MESP1: variants seen among roughly 807,000 people sequenced by gnomAD.
The protein encoded by MESP1 is mesoderm posterior protein 1.
Under a neutral mutation model 15.2 loss-of-function variants are expected in MESP1, and 22 were observed. That is an observed-to-expected ratio of 1.45 (90% confidence interval 1.04 to 2.07). The LOEUF is 2.07. MESP1 is among the 30% of genes most tolerant of loss of function. The pLI, the probability that MESP1 is intolerant of heterozygous loss-of-function variation, is 0.00. For synonymous variants in MESP1, 216 were observed against 192.6 expected (o/e 1.12, Z -1.01); for missense variants, 484 against 411.9 (o/e 1.17, Z -1.51).
At chr15:89,733,944 CTCTT>C in the MESP1 span, among the ~76,000 whole-genome samples, 1 of 152,324 alleles carries the variant, frequency 6.6e-6, no homozygotes, top group Non-Finnish European at 1.5e-5. Flanking sequence ...GGATCTCTCT[CTCTT>C]TTAAACATTT....
chr15:89,747,139 CACACACA>C (rs1567139520), downstream of MESP1, among the ~76,000 whole-genome samples: 10 of 139,930 alleles, frequency 7.1e-5, no homozygotes, highest in East Asian at 2.0e-4. Flanking sequence ...CACACACACA[CACACACA>C]CCCCTACCTT....
chr15:89,739,253 ATTTG>A, the MESP1 span, among the ~76,000 whole-genome samples: 1 of 152,092 alleles, frequency 6.6e-6, no homozygotes, highest in African/African-American at 2.4e-5. Context: ...AGCCGTGCCC[ATTTG>A]TTTATGTATT....
the MESP1 span, among the ~76,000 whole-genome samples, chr15:89,742,403 A>G: frequency 0.017 from 2,585 of 150,302 alleles, 87 homozygotes; most frequent in African/African-American, 0.06. Flanking sequence ...CCCTACCACA[A>G]CCCCACTGAC....
chr15:89,732,973 T>C, the MESP1 span: 334 of 1,609,342 alleles, frequency 2.1e-4, no homozygotes, highest in Non-Finnish European at 2.8e-4. Context: ...CCTACCCCGT[T>C]TTCTGACCGG....
downstream of MESP1, among the ~76,000 whole-genome samples, chr15:89,747,410 C>G (rs1203986223): frequency 2.6e-5 from 4 of 152,236 alleles, no homozygotes; most frequent in African/African-American, 9.6e-5. Flanking sequence ...GGCCTTCTCA[C>G]TAGGTGGCCC....
At chr15:89,734,159 C>T in the MESP1 span, among the ~76,000 whole-genome samples, 1 of 152,218 alleles carries the variant, frequency 6.6e-6, no homozygotes. Context: ...CCGCCCCAAA[C>T]ACCTTATTAA....
Position 89,750,198 on chromosome 15 carries a change from C to T in MESP1, c.753G>A (p.Leu251=), listed in dbSNP as rs373208803. The T allele has an allele frequency of 5.6e-6, 9 of 1,613,962 alleles. No individual in the cohort carries two copies. The East Asian group carries it at 8.9e-5, about 16-fold the overall frequency. ...GAGGCGAGAGGGGCATCCAGGTCTC[C>T]AACAGAGCCAGCACGTCGCCCGGAA... The part of the protein sequence containing the change: ...PLLPGDVLAL[L]ETWMPLSPLE... The change falls in exon 2 of 2, where the codon TTG becomes TTA. Residue 251 remains leucine (L), a synonymous_variant. Coordinates refer to ENST00000300057, the MANE Select transcript of MESP1 (RefSeq NM_018670.4).
the MESP1 span, among the ~76,000 whole-genome samples, chr15:89,734,411 C>G: frequency 6.6e-6 from 1 of 152,170 alleles, no homozygotes; most frequent in African/African-American, 2.4e-5. Flanking sequence ...CTCATGGTCT[C>G]TCCTGCAGAC....
chr15:89,738,395 G>A, the MESP1 span, among the ~76,000 whole-genome samples: 3 of 152,170 alleles, frequency 2.0e-5, no homozygotes, highest in South Asian at 6.2e-4. Flanking sequence ...GGGAGTCCGA[G>A]GCAGGCGGAT....
At chr15:89,748,417 G>A (rs1968015323), downstream of MESP1, among the ~76,000 whole-genome samples, 1 of 152,180 alleles carries the variant, frequency 6.6e-6, no homozygotes, top group South Asian at 2.1e-4. Flanking sequence ...GCAGATCAGG[G>A]ACTCGATCCC....
the MESP1 span, among the ~76,000 whole-genome samples, chr15:89,742,393 C>T: frequency 1.3e-3 from 194 of 152,234 alleles, 2 homozygotes; most frequent in Non-Finnish European, 2.3e-3. Flanking sequence ...GCACCTCCTT[C>T]CCTACCACAA....
rs140683208 is a variant in MESP1 at position 89,750,887 on chromosome 15, G to A, written c.345C>T (p.Pro115=). The change falls in exon 1 of 2, where the codon CCC becomes CCT. Residue 115 remains proline, a synonymous_variant. Coordinates refer to ENST00000300057, the MANE Select transcript of MESP1 (RefSeq NM_018670.4). ...LRRFLPPSVA[P]AGQSLTKIET... is the part of the protein sequence containing the mutation. ...CGATCTTGGTCAGGCTCTGGCCCGCGGGCGCCACGGACGGCGGTAGAAAGC... is the reference window on the plus strand; with the variant it reads ...CGATCTTGGTCAGGCTCTGGCCCGCAGGCGCCACGGACGGCGGTAGAAAGC... 10,873 of 1,498,884 alleles carry A rather than the reference G, an allele frequency of 7.3e-3. 57 individuals carry two copies. Among genetic ancestry groups the A allele is most frequent in the Non-Finnish European group, 8.8e-3 (9,920 of 1,130,188 alleles). 92.8% of individuals were successfully genotyped at this position (1,498,884 alleles called of 1,614,324 possible). A position where few individuals can be genotyped will look rare whatever the true frequency, so the allele number is the denominator to read the frequency against.
chr15:89,733,371 A>G, the MESP1 span: 1 of 710,306 alleles, frequency 1.4e-6, no homozygotes, highest in Non-Finnish European at 2.3e-6. Context: ...CCAATGTCAC[A>G]TATATGTTAC....
the MESP1 span, chr15:89,737,554 C>T: frequency 6.2e-7 from 1 of 1,614,146 alleles, no homozygotes; most frequent in Admixed American, 1.7e-5. Flanking sequence ...GCCCCCCTCA[C>T]CATCTCTTTG....
downstream of MESP1, among the ~76,000 whole-genome samples, chr15:89,745,491 C>T (rs1280566585): frequency 6.6e-5 from 10 of 152,124 alleles, no homozygotes; most frequent in Non-Finnish European, 1.3e-4. This position sits in a 1 kb window ranked among gnomAD's most constrained non-coding sequence, Gnocchi z 4.8. Context: ...TGGCCGGGCG[C>T]GGTGGCTCAA....
the MESP1 span, chr15:89,737,770 C>T: frequency 2.5e-6 from 4 of 1,611,718 alleles, no homozygotes; most frequent in Non-Finnish European, 3.4e-6. Flanking sequence ...TGACCATTTC[C>T]CTGACTTAGT....
rs1466813042 is a variant in MESP1 at position 89,751,056 on chromosome 15, C to T, written c.176G>A (p.Gly59Asp). 6.2e-6 allele frequency: 8 copies of T among 1,280,304 alleles called. No homozygotes were observed. In the East Asian group the frequency reaches 1.5e-4, roughly 25 times the overall value. The allele number at this position is 1,280,304 out of a possible 1,614,324, so 79.3% of individuals were successfully genotyped here. Residue 59 changes from glycine to aspartate, a missense_variant, in exon 1 of 2, where the codon GGC becomes GAC. Coordinates refer to ENST00000300057, the MANE Select transcript of MESP1 (RefSeq NM_018670.4). Reference protein sequence around the residue: ...DSPVASPARPGTLRDPRAPSV... With the variant: ...DSPVASPARPDTLRDPRAPSV... ...GGGGGCGCGGGGGTCCCGGAGGGTGCCTGGCCGCGCGGGGCTCGCCACGGG... is the reference window on the plus strand; with the variant it reads ...GGGGGCGCGGGGGTCCCGGAGGGTGTCTGGCCGCGCGGGGCTCGCCACGGG...
chr15:89,735,584 C>G, the MESP1 span: 2 of 1,596,960 alleles, frequency 1.3e-6, no homozygotes, highest in Middle Eastern at 1.7e-4. Flanking sequence ...TGTAAATGCC[C>G]CATGCCTCTC....
chr15:89,742,421 C>A, the MESP1 span, among the ~76,000 whole-genome samples: 3 of 152,110 alleles, frequency 2.0e-5, no homozygotes, highest in East Asian at 1.9e-4. Context: ...GACAGCCCCC[C>A]CTCCACCCTG....
Sources: allele counts gnomAD v4.1 joint callset (sites outside exome capture counted in the v4.1 genomes callset), GRCh38; gene constraint gnomAD v4.1.1; non-coding constraint Gnocchi (gnomAD v3.1); transcripts MANE v1.5; gene names NCBI Gene and HGNC (gene_info 2026-07-23, HGNC 2026-07-21).